The following FMO5 variants were observed in gnomAD, a reference collection of about 807,000 sequenced individuals.
FMO5 encodes the protein flavin-containing monooxygenase 5.
Under a neutral mutation model 43.6 loss-of-function variants are expected in FMO5, and 51 were observed. The observed-to-expected ratio is 1.17, with a 90% confidence interval of 0.93 to 1.48. The LOEUF is 1.48. Ranked by LOEUF, FMO5 falls within the 40% of genes most tolerant of loss-of-function variation. The pLI is 0.00. For missense variants in FMO5, 644 were observed against 643.0 expected, an observed-to-expected ratio of 1.00 and a Z score of -0.02; for synonymous variants, 187 against 216.5, an observed-to-expected ratio of 0.86 and a Z score of 1.20.
chr1:147,198,322 G>T (rs72708582), intron 7 of FMO5, among the ~76,000 whole-genome samples: 5,617 of 152,140 alleles, frequency 0.037, 157 homozygotes, highest in South Asian at 0.095. Flanking sequence ...GCAATACAAA[G>T]GCAAATAAAC....
In FMO5 at chr1:147,187,197, G is replaced by GGTAT. The variant is rs1655770098; in HGVS notation, c.1301_1304dup (p.Met436TyrfsTer7). The GGTAT allele has an allele frequency of 6.2e-7, 1 of 1,613,884 alleles. No homozygotes were observed. The highest frequency in any genetic ancestry group is 2.2e-5 in the East Asian group (1 of 44,880). ...CCACCAAATCAGCAAGCTCTTCCAT[G>GGTAT]GTATCTATGTAGTCTCCCTGAATGG... On this transcript the variant is annotated frameshift_variant, in exon 9 of 9. Transcript: ENST00000254090. LOFTEE classifies it low-confidence loss of function (END_TRUNC).
chr1:147,190,196 G>C lies in FMO5; in HGVS notation c.1237C>G (p.Gln413Glu), dbSNP rs781910024. Residue 413 changes from glutamine (Q) to glutamate (E), a missense_variant, in exon 8 of 9, where the codon CAA (glutamine) becomes GAA (glutamate). By Grantham distance (29) the Gln-to-Glu change is conservative. Coordinates refer to ENST00000254090, the MANE Select transcript of FMO5 (RefSeq NM_001461.4). Reference protein sequence around the residue: ...SEMMAEISKAQEEIDKRYVES... With the variant: ...SEMMAEISKAEEEIDKRYVES... ...TCTTACCTTTTGTCAATTTCCTCTT[G>C]AGCTTTAGATATTTCTGCCATCATT... 6.2e-7 allele frequency: 1 copy of C among 1,610,060 alleles called. No individual in the cohort carries two copies. The highest frequency in any genetic ancestry group is 2.2e-5 in the East Asian group (1 of 44,732).
At chr1:147,189,943 T>A (rs1656373122) in intron 8 of FMO5, among the ~76,000 whole-genome samples, 1 of 152,192 alleles carries the variant, frequency 6.6e-6, no homozygotes, top group East Asian at 1.9e-4. Flanking sequence ...TGACTTTTTT[T>A]AGGCATTAAA....
chr1:147,190,714 G>T (rs1371790723), intron 7 of FMO5, among the ~76,000 whole-genome samples: 2 of 151,984 alleles, frequency 1.3e-5, no homozygotes, highest in Non-Finnish European at 2.9e-5. Context: ...TTAAGTTTTA[G>T]GGTACATGTG....
intron 5 of FMO5, chr1:147,209,532 C>G (rs1660757100): frequency 6.5e-6 from 1 of 154,502 alleles, no homozygotes; most frequent in Non-Finnish European, 1.4e-5. Flanking sequence ...CTGCCATTTT[C>G]CTTCCCAAAC....
chr1:147,222,993 G>A (rs1553926636), intron 2 of FMO5, among the ~76,000 whole-genome samples: 2 of 152,148 alleles, frequency 1.3e-5, no homozygotes, highest in Non-Finnish European at 2.9e-5. Context: ...TATGTTCCTG[G>A]CACTGTTGTA....
intron 6 of FMO5, among the ~76,000 whole-genome samples, chr1:147,202,165 G>A (rs1659084201): frequency 6.6e-6 from 1 of 151,696 alleles, no homozygotes; most frequent in South Asian, 2.1e-4. Context: ...GTATACTTCG[G>A]GCTTGTTATT....
Position 147,201,475 on chromosome 1 carries a change from T to C in FMO5, c.860A>G (p.Asp287Gly). 6.2e-7 allele frequency: 1 copy of C among 1,613,988 alleles called. No individual in the cohort carries two copies. The highest frequency in any genetic ancestry group is 8.5e-7 in the Non-Finnish European group (1 of 1,179,922). Residue 287 changes from aspartate to glycine, a missense_variant, in exon 7 of 9, where the codon GAT (aspartate) becomes GGT (glycine). By Grantham distance (94) the Asp-to-Gly change is moderately conservative (BLOSUM62 -1). Transcript: ENST00000254090. ...RALSQHPTLNDDLPNRIISGL... is the reference protein window; with the variant it reads ...RALSQHPTLNGDLPNRIISGL... ...AGAAATGATACGATTTGGCAGGTCA[T>C]CATTTAAGGTTGGATGCTGACTCAG...
At position 147,209,001 on chromosome 1, in the gene FMO5, G is replaced by A. The variant is rs781811533; in HGVS notation, c.681C>T (p.Asp227=). ...ACAACACATCAGCAGGATATCCGTAGTCCCCTACACGATTCAGGATCCAAG... is the reference window on the plus strand; with the variant it reads ...ACAACACATCAGCAGGATATCCGTAATCCCCTACACGATTCAGGATCCAAG... ...RGAWILNRVG[D]YGYPADVLFS... Residue 227 remains aspartate, a synonymous_variant, in exon 6 of 9, where the codon GAC becomes GAT. Coordinates refer to ENST00000254090, the MANE Select transcript of FMO5 (RefSeq NM_001461.4). 5.6e-6 allele frequency: 9 copies of A among 1,614,050 alleles called. No homozygotes were observed. The highest frequency in any genetic ancestry group is 3.3e-4 in the Middle Eastern group (2 of 6,062).
chr1:147,209,392 C>T (rs954631051), intron 5 of FMO5, among the ~76,000 whole-genome samples: 9 of 141,842 alleles, frequency 6.3e-5, no homozygotes, highest in Admixed American at 2.2e-4. Context: ...GAGCCAAGAT[C>T]GCACCACTGC....
downstream of FMO5, chr1:147,184,544 TTGA>T (rs1553916681): frequency 6.5e-7 from 1 of 1,548,840 alleles, no homozygotes; most frequent in East Asian, 2.5e-5. This position sits in a 1 kb window ranked among gnomAD's most constrained non-coding sequence, Gnocchi z 4.4. Context: ...ACTTTCTTTG[TTGA>T]TGATCTTGAC....
At chr1:147,195,679 A>T (rs1657867108) in intron 7 of FMO5, among the ~76,000 whole-genome samples, 1 of 152,172 alleles carries the variant, frequency 6.6e-6, no homozygotes, top group Admixed American at 6.5e-5. Flanking sequence ...TTAAACAATT[A>T]GTTGTATGCC....
At chr1:147,198,850 C>CAAAAAAAAAAA (rs151035141) in intron 7 of FMO5, among the ~76,000 whole-genome samples, 55 of 51,552 alleles carry the variant, frequency 1.1e-3, no homozygotes, top group Admixed American at 1.5e-3. Flanking sequence ...GACTGCATCT[C>CAAAAAAAAAAA]AAAAAAAAAA....
intron 2 of FMO5, chr1:147,223,913 A>C: frequency 2.7e-6 from 1 of 367,598 alleles, no homozygotes; most frequent in Non-Finnish European, 5.3e-6. Flanking sequence ...GACTGAGAAG[A>C]AAGCTGCTAG....
At chr1:147,184,702 A>G, downstream of FMO5, 2 of 1,414,780 alleles carry the variant, frequency 1.4e-6, no homozygotes, top group Non-Finnish European at 1.8e-6. This position sits in a 1 kb window ranked among gnomAD's most constrained non-coding sequence, Gnocchi z 4.4. Flanking sequence ...TCTCAAAGGT[A>G]CATACTATCA....
intron 6 of FMO5, chr1:147,204,788 G>T: frequency 6.3e-7 from 1 of 1,586,148 alleles, no homozygotes; most frequent in Non-Finnish European, 8.7e-7. Context: ...ATTCCATTTC[G>T]TCCATATGCT....
At chr1:147,204,374 A>G in intron 6 of FMO5, 1 of 1,035,638 alleles carries the variant, frequency 9.7e-7, no homozygotes, top group Admixed American at 1.7e-5. Flanking sequence ...ATAGATACGC[A>G]TGCCTGAACA....
intron 7 of FMO5, among the ~76,000 whole-genome samples, chr1:147,190,896 A>C (rs1051614517): frequency 7.3e-5 from 11 of 151,330 alleles, no homozygotes; most frequent in Non-Finnish European, 1.3e-4. Context: ...ATCTGTTCTG[A>C]TTGTTCAATT....
Position 147,212,552 on chromosome 1 carries a change from A to G in FMO5, c.488-17T>C. On this transcript the variant is annotated splice_polypyrimidine_tract_variant and intron_variant, in intron 4 of 8. Transcript: ENST00000254090. Reference sequence around the variant, plus strand: ...TCTCAATTCCTGCAAGAGAAGGGAAAATAATTATTGGGTAATGGTTTACAT... The same window carrying G: ...TCTCAATTCCTGCAAGAGAAGGGAAGATAATTATTGGGTAATGGTTTACAT... The G allele has an allele frequency of 6.2e-7, 1 of 1,607,424 alleles. No homozygotes were observed. Among genetic ancestry groups the G allele is most frequent in the Non-Finnish European group, 8.5e-7 (1 of 1,177,090 alleles).
Sources: allele counts gnomAD v4.1 joint callset (sites outside exome capture counted in the v4.1 genomes callset), GRCh38; gene constraint gnomAD v4.1.1; non-coding constraint Gnocchi (gnomAD v3.1); transcripts MANE v1.5; gene names NCBI Gene and HGNC (gene_info 2026-07-23, HGNC 2026-07-21).